SLCO2A1: variants seen among roughly 807,000 people sequenced by gnomAD.
The protein encoded by SLCO2A1 is matrin F/G 1.
SLCO2A1 carries 60 observed loss-of-function variants against 71.7 expected under a neutral mutation model. The observed-to-expected ratio is 0.84, with a 90% CI of 0.68 to 1.04. The LOEUF (loss-of-function observed/expected upper bound fraction) is 1.04, where lower values mean the gene tolerates loss of function less well. Ranked by LOEUF, SLCO2A1 falls within the 50% of genes least tolerant of loss-of-function variation. The pLI, the probability that SLCO2A1 is intolerant of heterozygous loss-of-function variation, is 0.00. For synonymous variants in SLCO2A1, 308 were observed against 326.7 expected, an observed-to-expected ratio of 0.94 and a Z score of 0.62; for missense variants, 745 against 813.4, an observed-to-expected ratio of 0.92 and a Z score of 1.02.
At chr3:133,967,418 A>C (rs1280864981) in intron 3 of SLCO2A1, among the ~76,000 whole-genome samples, 1 of 152,174 alleles carries the variant, frequency 6.6e-6, no homozygotes, top group Non-Finnish European at 1.5e-5. Context: ...GAGCTCTCCC[A>C]CCAGTTTCCA....
chr3:134,008,655 T>C (rs1184633441), intron 1 of SLCO2A1, among the ~76,000 whole-genome samples: 1 of 152,130 alleles, frequency 6.6e-6, no homozygotes, highest in Non-Finnish European at 1.5e-5. Flanking sequence ...TCTTCCTACA[T>C]GGCAAGGAGC....
intron 1 of SLCO2A1, among the ~76,000 whole-genome samples, chr3:133,992,942 T>C (rs1388670024): frequency 6.6e-6 from 1 of 151,162 alleles, no homozygotes; most frequent in Non-Finnish European, 1.5e-5. Flanking sequence ...GTCATGAGTG[T>C]GGGTGCTGTC....
intron 1 of SLCO2A1, among the ~76,000 whole-genome samples, chr3:133,987,621 C>G (rs745869340): frequency 1.3e-5 from 2 of 152,208 alleles, no homozygotes; most frequent in Admixed American, 6.5e-5. Context: ...AAGCTGCGCC[C>G]TGACCACCTT....
chr3:133,959,718 T>A (rs1228347150), intron 3 of SLCO2A1, among the ~76,000 whole-genome samples: 1 of 149,268 alleles, frequency 6.7e-6, no homozygotes, highest in East Asian at 2.0e-4. Context: ...CCTAGCTACT[T>A]GGGAGGCTGA....
At chr3:133,955,361 C>A in intron 3 of SLCO2A1, 168 bp from the exon 4 acceptor site, 2 of 597,770 alleles carry the variant, frequency 3.3e-6, no homozygotes, top group Non-Finnish European at 5.9e-6. Context: ...TTCTGTCTGG[C>A]CAGCAGGAGG....
chr3:133,935,677 A>T (rs1318125402), intron 13 of SLCO2A1, 97 bp downstream of exon 13: 1 of 1,363,924 alleles, frequency 7.3e-7, no homozygotes, highest in East Asian at 2.5e-5. Context: ...CTTCCTTGGA[A>T]GCCTGACAGC....
chr3:133,987,846 C>T (rs1477854503), intron 1 of SLCO2A1, among the ~76,000 whole-genome samples: 2 of 152,214 alleles, frequency 1.3e-5, no homozygotes, highest in African/African-American at 4.8e-5. Context: ...AGCCGGTGAC[C>T]TCTCAGTTTG....
rs117837593 is a variant in SLCO2A1 at position 133,935,791 on chromosome 3, G to T, written c.1797C>A (p.Asn599Lys). ...GCCCTCACCTGTCTCGGAGAGCATC[G>T]TTGTCATAGTAGGCGCAGGCCCCTC... is the stretch of plus-strand genomic sequence containing the variant. Reference protein sequence around the residue: ...GRRGACAYYDNDALRDRYLGL... With the variant: ...GRRGACAYYDKDALRDRYLGL... The change falls in exon 13 of 14, where the codon AAC (asparagine) becomes AAA (lysine). Residue 599 changes from asparagine (N) to lysine (K), a missense_variant. Transcript: ENST00000310926. 6.2e-7 allele frequency: 1 copy of T among 1,606,552 alleles called. No homozygotes were observed. The highest frequency in any genetic ancestry group is 1.1e-5 in the South Asian group (1 of 89,660).
intron 1 of SLCO2A1, among the ~76,000 whole-genome samples, 167 bp downstream of exon 1, chr3:134,029,528 ACACACACACTCG>A (rs1192191231): frequency 2.2e-5 from 3 of 134,828 alleles, no homozygotes; most frequent in Non-Finnish European, 4.6e-5. Context: ...ACACACGCTC[ACACACACACTCG>A]CACACACACG....
chr3:133,976,648 C>T (rs2108056762), intron 2 of SLCO2A1, among the ~76,000 whole-genome samples: 1 of 151,512 alleles, frequency 6.6e-6, no homozygotes, highest in South Asian at 2.1e-4. Context: ...AGACCTCAGT[C>T]TCCTCAGCCC....
rs747153224 is a variant in SLCO2A1 at position 133,979,473 on chromosome 3, C to A, written c.234+8G>T. The A allele has an allele frequency of 6.2e-7, 1 of 1,614,202 alleles. No individual in the cohort carries two copies. Among genetic ancestry groups the A allele is most frequent in the Non-Finnish European group, 8.5e-7 (1 of 1,180,026 alleles). The stretch of plus-strand genomic sequence containing the variant: ...GTGGAGTCTGATGGACCAGAACCTC[C>A]TGCTCACCTCATTCAAGCTGGAAAT... On this transcript the variant is annotated splice_region_variant and intron_variant, in intron 2 of 13. Coordinates refer to ENST00000310926, the MANE Select transcript of SLCO2A1 (RefSeq NM_005630.3).
intron 1 of SLCO2A1, chr3:133,998,746 AT>A (rs1469889441): frequency 2.6e-5 from 4 of 152,212 alleles, no homozygotes; most frequent in Non-Finnish European, 5.9e-5. Flanking sequence ...GTCTACAGAC[AT>A]TTCTCCACCG....
At chr3:133,941,710 C>T (rs775131174) in intron 11 of SLCO2A1, among the ~76,000 whole-genome samples, 1 of 152,096 alleles carries the variant, frequency 6.6e-6, no homozygotes, top group African/African-American at 2.4e-5. Context: ...CTCTGGCCAG[C>T]GGCTCCCTTC....
intron 1 of SLCO2A1, among the ~76,000 whole-genome samples, chr3:134,013,379 C>T (rs771375658): frequency 4.6e-5 from 7 of 152,182 alleles, no homozygotes; most frequent in Admixed American, 1.3e-4. Flanking sequence ...GGCAGCCAAA[C>T]GAGCAGCAGG....
At chr3:133,969,515 T>C (rs1234889442) in intron 3 of SLCO2A1, among the ~76,000 whole-genome samples, 1 of 151,946 alleles carries the variant, frequency 6.6e-6, no homozygotes, top group Admixed American at 6.6e-5. Context: ...GCCTCCCAAG[T>C]AGCTGGGACT....
intron 2 of SLCO2A1, among the ~76,000 whole-genome samples, chr3:133,979,090 G>A (rs1283461039): frequency 6.6e-6 from 1 of 152,216 alleles, no homozygotes; most frequent in Admixed American, 6.5e-5. Flanking sequence ...CCCACAGGCT[G>A]GCAGATTGCA....
At chr3:133,949,081 C>CT in intron 6 of SLCO2A1, 110 bp from the exon 7 acceptor site, 1 of 886,610 alleles carries the variant, frequency 1.1e-6, no homozygotes. Context: ...TGGAGGTGAG[C>CT]CCCCTCCAGG....
At chr3:133,942,915 C>CT in intron 10 of SLCO2A1, 147 bp from the exon 11 acceptor site, 1 of 830,146 alleles carries the variant, frequency 1.2e-6, no homozygotes. Flanking sequence ...CTGGGTGAGC[C>CT]TGGGGCCAGG....
At chr3:133,948,499 C>G (rs751295045) in intron 8 of SLCO2A1, 37 bp downstream of exon 8, 3 of 1,588,964 alleles carry the variant, frequency 1.9e-6, no homozygotes, top group Non-Finnish European at 2.6e-6. Flanking sequence ...CTGGCCCAGG[C>G]AAGCCCTGCG....
Sources: gnomAD v4.1 joint callset for allele counts (sites outside exome capture counted in the v4.1 genomes callset) on GRCh38, gnomAD v4.1.1 for gene constraint, MANE v1.5 for transcripts, NCBI Gene and HGNC (gene_info 2026-07-23, HGNC 2026-07-21) for gene names.